Variants in RIMS2 observed in about 807,000 individuals in gnomAD.
The protein encoded by RIMS2 is regulating synaptic membrane exocytosis protein 2.
RIMS2 carries 59 observed loss-of-function variants against 174.4 expected under a neutral mutation model. The observed-to-expected ratio is 0.34, with a 90% CI of 0.27 to 0.42. RIMS2 has a LOEUF of 0.42. RIMS2 is among the 10% of genes least tolerant of loss of function. The pLI is 1.00. For missense variants in RIMS2, 1,620 were observed against 1,666.3 expected (o/e 0.97, Z 0.48); for synonymous variants, 606 against 572.5 (o/e 1.06, Z -0.84).
chr8:104,029,841 CTT>C (rs1440903375), intron 19 of RIMS2, among the ~76,000 whole-genome samples: 3 of 152,082 alleles, frequency 2.0e-5, no homozygotes, highest in Non-Finnish European at 2.9e-5. Context: ...CTCTGTAACA[CTT>C]GTAAAATCTT....
chr8:103,738,247 A>G (rs79620334), intron 2 of RIMS2, among the ~76,000 whole-genome samples: 8,230 of 152,252 alleles, frequency 0.054, 320 homozygotes, highest in Non-Finnish European at 0.079. Flanking sequence ...TTATTGTATA[A>G]CATATTATAC....
At chr8:103,664,390 C>T (rs2096642410) in intron 1 of RIMS2, among the ~76,000 whole-genome samples, 1 of 151,888 alleles carries the variant, frequency 6.6e-6, no homozygotes, top group African/African-American at 2.4e-5. Context: ...TGACAAAGGG[C>T]TAATATCCAG....
chr8:103,964,803 T>C (rs781205146), intron 15 of RIMS2, among the ~76,000 whole-genome samples: 25 of 152,206 alleles, frequency 1.6e-4, no homozygotes, highest in Non-Finnish European at 2.9e-4. Flanking sequence ...TTTTGCATTT[T>C]ATATTTACAT....
At chr8:104,068,682 A>G in intron 19 of RIMS2, 70 bp downstream of exon 23, 1 of 789,672 alleles carries the variant, frequency 1.3e-6, no homozygotes, top group East Asian at 2.7e-5. Flanking sequence ...CTTTTAAACT[A>G]CTAAATGCAG....
chr8:103,719,254 C>T (rs923564138), intron 2 of RIMS2, among the ~76,000 whole-genome samples: 1 of 152,216 alleles, frequency 6.6e-6, no homozygotes, highest in Non-Finnish European at 1.5e-5. Context: ...TCAATGTAAT[C>T]AGATACTTTT....
rs769777222 is a variant in RIMS2, at chr8:103,946,845, C to T, written c.2701+3919C>T. On this transcript the variant is annotated intron_variant, in intron 14 of 23. Coordinates refer to ENST00000504942, the Ensembl canonical transcript of RIMS2. ...AGATGTATATTTCCTCATTTCCATACTTATTGTACAGCTACAGTAATTGCA... is the reference window on the plus strand; with the variant it reads ...AGATGTATATTTCCTCATTTCCATATTTATTGTACAGCTACAGTAATTGCA... Among the ~76,000 whole-genome samples the T allele has an allele frequency of 4.5e-4, 68 of 152,166 alleles. 2 individuals carry two copies. Among genetic ancestry groups the T allele is most frequent in the African/African-American group, 2.4e-5 (1 of 41,440 alleles).
At chr8:104,154,594 A>G (rs902785086) in intron 19 of RIMS2, among the ~76,000 whole-genome samples, 2 of 152,232 alleles carry the variant, frequency 1.3e-5, no homozygotes, top group Non-Finnish European at 2.9e-5. Context: ...CTTGAGGGAG[A>G]GAGAATCAAA....
At chr8:103,911,733 A>G (rs2075714514) in intron 5 of RIMS2, among the ~76,000 whole-genome samples, 1 of 152,172 alleles carries the variant, frequency 6.6e-6, no homozygotes, top group Non-Finnish European at 1.5e-5. Flanking sequence ...CAGCATGTAG[A>G]TAATTAGAGT....
intron 1 of RIMS2, among the ~76,000 whole-genome samples, chr8:103,580,387 T>C (rs925255958): frequency 5.3e-5 from 8 of 151,902 alleles, no homozygotes; most frequent in Non-Finnish European, 1.2e-4. Context: ...GAAGTAGCTA[T>C]ACTTAGATAA....
At chr8:103,917,212 G>C (rs1377282843) in intron 8 of RIMS2, among the ~76,000 whole-genome samples, 1 of 152,164 alleles carries the variant, frequency 6.6e-6, no homozygotes, top group Non-Finnish European at 1.5e-5. Flanking sequence ...ATTACATGCA[G>C]ATTTGGGGTA....
chr8:104,153,268 G>A (rs923433137), intron 19 of RIMS2, among the ~76,000 whole-genome samples: 2 of 152,072 alleles, frequency 1.3e-5, no homozygotes, highest in African/African-American at 4.8e-5. Flanking sequence ...CATATAGAGG[G>A]AATAAGGAGA....
intron 3 of RIMS2, among the ~76,000 whole-genome samples, chr8:103,788,063 T>C (rs193284601): frequency 0.13 from 19,413 of 144,716 alleles, 1,310 homozygotes; most frequent in Middle Eastern, 0.23. Flanking sequence ...TTGATCGCAT[T>C]GGCTCCTGAG....
At chr8:103,664,604 A>T (rs999030138) in intron 1 of RIMS2, among the ~76,000 whole-genome samples, 1 of 152,228 alleles carries the variant, frequency 6.6e-6, no homozygotes, top group South Asian at 2.1e-4. Flanking sequence ...TAGAATGGCA[A>T]TCATTAAAAA....
chr8:104,186,996 GA>G (rs1432479570), intron 19 of RIMS2, among the ~76,000 whole-genome samples: 3 of 151,302 alleles, frequency 2.0e-5, no homozygotes, highest in African/African-American at 7.3e-5. Context: ...TAGGTTTAGG[GA>G]AAAAAAGGAA....
intron 19 of RIMS2, among the ~76,000 whole-genome samples, chr8:104,215,354 G>A (rs1409086580): frequency 6.6e-6 from 1 of 152,078 alleles, no homozygotes; most frequent in Non-Finnish European, 1.5e-5. Context: ...TGTGGTTAAG[G>A]TACTTTTTTA....
At chr8:104,127,950 C>G (rs1327075322) in intron 19 of RIMS2, among the ~76,000 whole-genome samples, 1 of 152,132 alleles carries the variant, frequency 6.6e-6, no homozygotes, top group Non-Finnish European at 1.5e-5. Context: ...TGCATCTAGT[C>G]CAGAGTAACA....
intron 3 of RIMS2, among the ~76,000 whole-genome samples, chr8:103,830,028 G>A (rs188767919): frequency 3.8e-4 from 58 of 151,818 alleles, no homozygotes; most frequent in African/African-American, 1.4e-3. Flanking sequence ...TGACTAATTT[G>A]TTGTTATAAA....
At chr8:103,876,279 C>G (rs1249665471) in intron 3 of RIMS2, among the ~76,000 whole-genome samples, 2 of 151,528 alleles carry the variant, frequency 1.3e-5, no homozygotes, top group African/African-American at 4.8e-5. Context: ...TAATTTTTGA[C>G]AAAGGTGAGA....
At chr8:104,150,228 C>G (rs555178983) in intron 19 of RIMS2, among the ~76,000 whole-genome samples, 1 of 151,818 alleles carries the variant, frequency 6.6e-6, no homozygotes, top group African/African-American at 2.4e-5. Context: ...AAATTAGGAA[C>G]CTAAAATGGA....
Sources: gnomAD v4.1 joint callset for allele counts (sites outside exome capture counted in the v4.1 genomes callset) on GRCh38, gnomAD v4.1.1 for gene constraint, MANE v1.5 for transcripts, NCBI Gene and HGNC (gene_info 2026-07-23, HGNC 2026-07-21) for gene names.